UST: variants seen among roughly 807,000 people sequenced by gnomAD.
UST encodes the protein chondroitin sulfate 2-O-sulfotransferase.
A neutral mutation model predicts 45.6 loss-of-function variants in UST; 21 were observed. The ratio of observed to expected loss-of-function variants is 0.46; its 90% confidence interval spans 0.33 to 0.66. The LOEUF is 0.66. Among genes scored for constraint, UST ranks in the 30% least tolerant of loss-of-function variants. The pLI is 0.02. For synonymous variants in UST, 215 were observed against 200.6 expected, an observed-to-expected ratio of 1.07 and a Z score of -0.61; for missense variants, 463 against 512.4, an observed-to-expected ratio of 0.90 and a Z score of 0.93.
At chr6:149,009,233 G>A (rs952266923) in intron 5 of UST, among the ~76,000 whole-genome samples, 1 of 152,046 alleles carries the variant, frequency 6.6e-6, no homozygotes, top group Non-Finnish European at 1.5e-5. Context: ...TTCAGTGGAA[G>A]GACATGGAAG....
chr6:148,849,788 G>A (rs114123076), intron 1 of UST, among the ~76,000 whole-genome samples: 7,398 of 152,212 alleles, frequency 0.049, 300 homozygotes, highest in African/African-American at 0.11. Context: ...TCCTGCCCTT[G>A]ACACGTGGGG....
chr6:148,825,461 G>A (rs1777552902), intron 1 of UST, among the ~76,000 whole-genome samples: 1 of 152,180 alleles, frequency 6.6e-6, no homozygotes, highest in Admixed American at 6.5e-5. Flanking sequence ...CCTAGGACTT[G>A]AGCCATGTAG....
intron 2 of UST, among the ~76,000 whole-genome samples, chr6:148,902,018 T>A (rs945111099): frequency 6.6e-6 from 1 of 152,170 alleles, no homozygotes; most frequent in Non-Finnish European, 1.5e-5. Context: ...TTTTGCCAGT[T>A]TTATTCTAGC....
intron 5 of UST, among the ~76,000 whole-genome samples, chr6:148,982,438 A>C (rs979910589): frequency 1.3e-5 from 2 of 152,164 alleles, no homozygotes; most frequent in Non-Finnish European, 1.5e-5. Flanking sequence ...CCCATTCACA[A>C]GGGAAGAGAT....
intron 1 of UST, among the ~76,000 whole-genome samples, chr6:148,859,632 A>C (rs1366624450): frequency 2.0e-5 from 3 of 152,216 alleles, no homozygotes; most frequent in Admixed American, 6.5e-5. Flanking sequence ...TTTAGGTCTA[A>C]CATTTAAGTC....
intron 5 of UST, among the ~76,000 whole-genome samples, chr6:148,977,808 C>T (rs955209807): frequency 2.0e-5 from 3 of 151,726 alleles, no homozygotes; most frequent in African/African-American, 7.3e-5. Flanking sequence ...TCCGCTACCC[C>T]CACCCCACAT....
intron 1 of UST, among the ~76,000 whole-genome samples, chr6:148,845,486 G>A (rs577904515): frequency 5.3e-5 from 8 of 152,124 alleles, no homozygotes; most frequent in African/African-American, 1.7e-4. Context: ...AATATATCAC[G>A]GTTTATTTAT....
chr6:148,916,217 T>C lies in UST; in HGVS notation c.292-25062T>C, dbSNP rs534693586. Among the ~76,000 whole-genome samples, 36 of 152,320 alleles carry C rather than the reference T, an allele frequency of 2.4e-4. No individual in the cohort carries two copies. In the South Asian group the frequency reaches 5.8e-3, roughly 25 times the overall value. On this transcript the variant is annotated intron_variant, in intron 2 of 7. Transcript: ENST00000367463. Reference sequence around the variant, plus strand: ...ATCACAGGCCATAATATTGGCGTTATTACTAGCCATTTTACGGATGGATAA... The same window carrying C: ...ATCACAGGCCATAATATTGGCGTTACTACTAGCCATTTTACGGATGGATAA...
intron 3 of UST, among the ~76,000 whole-genome samples, chr6:148,943,124 A>G (rs1316583541): frequency 6.6e-6 from 1 of 152,180 alleles, no homozygotes; most frequent in Non-Finnish European, 1.5e-5. Flanking sequence ...GGAATTATAA[A>G]TAAATACATT....
In UST at chr6:149,058,383, GTGTGTA is replaced by G. The variant is rs747152090; in HGVS notation, c.938-15445_938-15440del. On this transcript the variant is annotated intron_variant, in intron 7 of 7. Coordinates refer to ENST00000367463, the MANE Select transcript of UST (RefSeq NM_005715.3). ...TGTGTGTGTGTGTGTGTGTGTGTGT[GTGTGTA>G]TGTGCGCGCGCGTGTGTCTGTGTGT... 4.2e-3 allele frequency among the ~76,000 whole-genome samples: 582 copies of G among 137,564 alleles called. 4 individuals carry two copies. Among genetic ancestry groups the G allele is most frequent in the African/African-American group, 0.015 (525 of 35,814 alleles). 90.2% of individuals were successfully genotyped at this position (137,564 alleles called of 152,430 possible).
At position 148,996,665 on chromosome 6, in the gene UST, G is replaced by A. The variant is rs374235319; in HGVS notation, c.682-22474G>A. 4.6e-5 allele frequency among the ~76,000 whole-genome samples: 7 copies of A among 152,340 alleles called. 1 individual carries two copies. The highest frequency in any genetic ancestry group is 1.3e-4 in the Admixed American group (2 of 15,302). On this transcript the variant is annotated intron_variant, in intron 5 of 7. Transcript: ENST00000367463. ...GTAATTAACATATTTTAACTTGAGT[G>A]TATATTTGCTTTTCTTTGGCTTTGG...
intron 2 of UST, among the ~76,000 whole-genome samples, chr6:148,910,262 TC>T (rs1334575167): frequency 2.0e-5 from 3 of 150,514 alleles, no homozygotes; most frequent in Non-Finnish European, 4.4e-5. Context: ...TGCCTCAGCC[TC>T]CCAAGTAGCT....
intron 1 of UST, 57 bp downstream of exon 1, chr6:148,747,734 G>C (rs1174479578): frequency 6.7e-7 from 1 of 1,494,680 alleles, no homozygotes; most frequent in African/African-American, 1.4e-5. Flanking sequence ...TGTGCGGCGG[G>C]GAGAGGGTCG....
chr6:148,990,670 C>T (rs1245520423), intron 5 of UST, among the ~76,000 whole-genome samples: 1 of 152,122 alleles, frequency 6.6e-6, no homozygotes, highest in Non-Finnish European at 1.5e-5. Context: ...CCCCAGACGT[C>T]CCAGGGAAAG....
At chr6:148,951,486 A>G (rs1398688096) in intron 3 of UST, among the ~76,000 whole-genome samples, 4 of 152,210 alleles carry the variant, frequency 2.6e-5, no homozygotes, top group Non-Finnish European at 5.9e-5. Flanking sequence ...GAATCAGACT[A>G]AAGGCCAGGA....
chr6:148,983,390 A>C (rs1781175152), intron 5 of UST, among the ~76,000 whole-genome samples: 1 of 152,228 alleles, frequency 6.6e-6, no homozygotes, highest in Admixed American at 6.5e-5. Context: ...GCAAGAAGCC[A>C]AATGGAAGAA....
intron 1 of UST, among the ~76,000 whole-genome samples, chr6:148,865,694 GT>G (rs1562281689): frequency 8.6e-5 from 13 of 151,414 alleles, no homozygotes; most frequent in South Asian, 2.1e-4. Flanking sequence ...GTGTGTGTGT[GT>G]GTGTGTGTGT....
chr6:148,878,887 G>A (rs1778773622), intron 1 of UST, among the ~76,000 whole-genome samples: 1 of 151,904 alleles, frequency 6.6e-6, no homozygotes, highest in African/African-American at 2.4e-5. Flanking sequence ...CTCCAGGACT[G>A]ACAGAATATC....
At chr6:149,033,917 T>C (rs1240518736) in intron 7 of UST, among the ~76,000 whole-genome samples, 1 of 152,204 alleles carries the variant, frequency 6.6e-6, no homozygotes, top group Non-Finnish European at 1.5e-5. Context: ...TGAAGTCTGA[T>C]GTTGCAGAGC....
Sources: gnomAD v4.1 joint callset for allele counts (sites outside exome capture counted in the v4.1 genomes callset) on GRCh38, gnomAD v4.1.1 for gene constraint, MANE v1.5 for transcripts, NCBI Gene and HGNC (gene_info 2026-07-23, HGNC 2026-07-21) for gene names.